Variants in FBXO34 observed in about 807,000 individuals in gnomAD.
FBXO34 encodes the protein F-box protein 34.
FBXO34 carries 12 observed loss-of-function variants against 24.5 expected under a neutral mutation model. The ratio of observed to expected loss-of-function variants is 0.49; its 90% CI spans 0.31 to 0.79. The LOEUF is 0.79. FBXO34 is among the 30% of genes least tolerant of loss of function. FBXO34 has a pLI of 0.04. For synonymous variants in FBXO34, 320 were observed against 311.9 expected, an observed-to-expected ratio of 1.03 and a Z score of -0.27; for missense variants, 823 against 857.7, an observed-to-expected ratio of 0.96 and a Z score of 0.51.
chr14:55,421,096 G>A, the FBXO34 span, among the ~76,000 whole-genome samples: 46 of 151,754 alleles, frequency 3.0e-4, no homozygotes, highest in African/African-American at 9.7e-4. Context: ...GAAATTTGGG[G>A]TAGGTGGGAA....
chr14:55,427,238 AG>A, the FBXO34 span, among the ~76,000 whole-genome samples: 1 of 143,206 alleles, frequency 7.0e-6, no homozygotes, highest in Non-Finnish European at 1.5e-5. Context: ...TAGGGAGCTC[AG>A]ATTTTTAAAA....
chr14:55,394,151 C>T, the FBXO34 span, among the ~76,000 whole-genome samples: 27 of 151,840 alleles, frequency 1.8e-4, no homozygotes, highest in Non-Finnish European at 3.4e-4. Context: ...GGATTACAGG[C>T]GTGTGCCACC....
At chr14:55,403,745 T>C in the FBXO34 span, among the ~76,000 whole-genome samples, 2 of 152,170 alleles carry the variant, frequency 1.3e-5, no homozygotes, top group African/African-American at 2.4e-5. Flanking sequence ...TGGCAGAGAA[T>C]ATGCATAGGA....
At chr14:55,435,278 A>AT in the FBXO34 span, among the ~76,000 whole-genome samples, 33,218 of 143,926 alleles carry the variant, frequency 0.23, 6,471 homozygotes, top group African/African-American at 0.54. Context: ...GTCAGGTGAA[A>AT]TTTTTTTTTT....
the FBXO34 span, among the ~76,000 whole-genome samples, chr14:55,380,875 A>ATATATATATATATATATAT: frequency 1.8e-5 from 2 of 112,730 alleles, no homozygotes; most frequent in Admixed American, 9.0e-5. Flanking sequence ...ATATATATAT[A>ATATATATATATATATATAT]TTTTTTTTTT....
Position 55,351,003 on chromosome 14 carries a change from CTG to C in FBXO34, c.615_616del (p.Val207TyrfsTer17). ...SGDGVYAGRP[L>X]SVIQMVAFLE... ...GGATGGAGTCTATGCTGGGAGGCCTCTGTCAGTTATACAGATGGTTGCCTTCT... is the reference window on the plus strand; with the variant it reads ...GGATGGAGTCTATGCTGGGAGGCCTCTCAGTTATACAGATGGTTGCCTTCT... On this transcript the variant is annotated frameshift_variant, in exon 2 of 2. Coordinates refer to ENST00000313833, the MANE Select transcript of FBXO34 (RefSeq NM_017943.4). LOFTEE classifies it low-confidence loss of function (END_TRUNC). 6.2e-7 allele frequency: 1 copy of C among 1,614,198 alleles called. No homozygotes were observed. The highest frequency in any genetic ancestry group is 8.5e-7 in the Non-Finnish European group (1 of 1,180,034).
chr14:55,390,990 T>C, the FBXO34 span: 1 of 1,602,226 alleles, frequency 6.2e-7, no homozygotes, highest in Non-Finnish European at 8.5e-7. Flanking sequence ...TTATTTTCCA[T>C]CTCTGAAAAA....
At chr14:55,298,600 C>G (rs1052934332) in intron 1 of FBXO34, 2 of 1,017,906 alleles carry the variant, frequency 2.0e-6, no homozygotes, top group Non-Finnish European at 2.9e-6. Flanking sequence ...GGGCGGGCGC[C>G]GGAGCCCAGC....
chr14:55,436,644 G>A, the FBXO34 span: 14 of 1,614,204 alleles, frequency 8.7e-6, no homozygotes, highest in Middle Eastern at 1.6e-4. Flanking sequence ...ACAAGGAGTC[G>A]GAGTTTGGTT....
At chr14:55,360,933 G>A (rs1433243504) in intron 3 of FBXO34, among the ~76,000 whole-genome samples, 8 of 152,066 alleles carry the variant, frequency 5.3e-5, no homozygotes, top group Non-Finnish European at 8.8e-5. Context: ...GTGAGGTGGA[G>A]GTTGCGGTGA....
the FBXO34 span, among the ~76,000 whole-genome samples, chr14:55,380,853 GTGTA>G: frequency 1.5e-4 from 16 of 107,998 alleles, 1 homozygote; most frequent in African/African-American, 5.6e-4. Flanking sequence ...CATTCTTTGT[GTGTA>G]TATATATATA....
intron 1 of FBXO34, among the ~76,000 whole-genome samples, chr14:55,332,599 A>T (rs1214340676): frequency 1.3e-5 from 2 of 152,236 alleles, no homozygotes; most frequent in Non-Finnish European, 2.9e-5. Flanking sequence ...AGTATAATAC[A>T]TGATGGGACT....
Position 55,289,160 on chromosome 14 carries a change from A to T in FBXO34, c.-11+17623A>T, listed in dbSNP as rs181837908. 5.4e-4 allele frequency among the ~76,000 whole-genome samples: 82 copies of T among 152,078 alleles called. 1 individual carries two copies. Among genetic ancestry groups the T allele is most frequent in the Non-Finnish European group, 9.0e-4 (61 of 67,980 alleles). ...TGCCCTTTTCTCTCAAATGATTTAG[A>T]GTTCTTAGCCTTCTCTTTTTTCCCC... On this transcript the variant is annotated intron_variant, in intron 1 of 1. Coordinates refer to ENST00000313833, the MANE Select transcript of FBXO34 (RefSeq NM_017943.4).
chr14:55,371,256 C>G (rs1479013340), downstream of FBXO34, among the ~76,000 whole-genome samples: 1 of 152,034 alleles, frequency 6.6e-6, no homozygotes, highest in African/African-American at 2.4e-5. Context: ...CCTATGGTCC[C>G]AAATTCTCCA....
At chr14:55,415,512 CT>C in the FBXO34 span, among the ~76,000 whole-genome samples, 3 of 152,182 alleles carry the variant, frequency 2.0e-5, no homozygotes, top group East Asian at 5.8e-4. Flanking sequence ...CATTGCAGCA[CT>C]ATTCACACTT....
At chr14:55,392,602 T>C in the FBXO34 span, among the ~76,000 whole-genome samples, 32 of 150,524 alleles carry the variant, frequency 2.1e-4, no homozygotes, top group East Asian at 1.4e-3. Context: ...TGAGCCAAGA[T>C]TGTGCCACGG....
At chr14:55,428,188 G>A in the FBXO34 span, among the ~76,000 whole-genome samples, 1 of 134,306 alleles carries the variant, frequency 7.4e-6, no homozygotes, top group Non-Finnish European at 1.5e-5. Flanking sequence ...GGAGTCCAGT[G>A]GCGCGAGGTC....
intron 1 of FBXO34, chr14:55,299,355 T>C (rs1485044932): frequency 2.6e-6 from 1 of 379,424 alleles, no homozygotes; most frequent in African/African-American, 2.3e-5. Flanking sequence ...TGCTGCTCGC[T>C]CTCTGCATAG....
chr14:55,312,815 A>T (rs28787988), intron 1 of FBXO34, among the ~76,000 whole-genome samples: 19,804 of 152,218 alleles, frequency 0.13, 3,638 homozygotes, highest in African/African-American at 0.41. Flanking sequence ...GGCCCAGGAA[A>T]CCATTTTTTC....
Sources: gnomAD v4.1 joint callset for allele counts (sites outside exome capture counted in the v4.1 genomes callset) on GRCh38, gnomAD v4.1.1 for gene constraint, MANE v1.5 for transcripts, NCBI Gene and HGNC (gene_info 2026-07-23, HGNC 2026-07-21) for gene names.